PPA2: variants seen among roughly 807,000 people sequenced by gnomAD.
PPA2 encodes the protein inorganic pyrophosphatase 2, mitochondrial.
PPA2 carries 48 observed loss-of-function variants against 49.5 expected under a neutral mutation model. The ratio of observed to expected loss-of-function variants is 0.97; its 90% CI spans 0.77 to 1.23. The LOEUF is 1.23. PPA2 is among the 50% of genes most tolerant of loss of function. PPA2 has a pLI of 0.00. For synonymous variants in PPA2, 131 were observed against 139.9 expected (o/e 0.94, Z 0.45); for missense variants, 429 against 410.1 (o/e 1.05, Z -0.40).
chr4:105,389,369 G>A (rs910932752), intron 9 of PPA2, among the ~76,000 whole-genome samples: 1 of 149,436 alleles, frequency 6.7e-6, no homozygotes, highest in Non-Finnish European at 1.5e-5. Context: ...CTATTACTAC[G>A]ACCTGCCAGG....
chr4:105,444,702 T>C (rs561167187), intron 5 of PPA2, among the ~76,000 whole-genome samples: 1 of 152,306 alleles, frequency 6.6e-6, no homozygotes, highest in South Asian at 2.1e-4. Flanking sequence ...GCTTTTTTAT[T>C]TTTTTCATAA....
chr4:105,389,991 C>G (rs540656798), intron 9 of PPA2, among the ~76,000 whole-genome samples: 1 of 152,106 alleles, frequency 6.6e-6, no homozygotes, highest in South Asian at 2.1e-4. Context: ...TCAATGGAAC[C>G]CCAGAAATAA....
rs147964042 is a variant in PPA2 at position 105,457,129 on chromosome 4, A to C, written c.158-384T>G. ...ATGTCAATTTCCCTTGGGGAAACTT[A>C]ACAATAGTATTCCCAATTTCTACCT... On this transcript the variant is annotated intron_variant, in intron 1 of 11. Coordinates refer to ENST00000341695, the MANE Select transcript of PPA2 (RefSeq NM_176869.3). Among the ~76,000 whole-genome samples, 755 of 152,314 alleles carry C rather than the reference A, an allele frequency of 5.0e-3. 10 individuals carry two copies. Among genetic ancestry groups the C allele is most frequent in the African/African-American group, 0.017 (712 of 41,580 alleles).
intron 1 of PPA2, among the ~76,000 whole-genome samples, chr4:105,472,023 C>A (rs1723543649): frequency 6.6e-6 from 1 of 152,164 alleles, no homozygotes; most frequent in Admixed American, 6.5e-5. Flanking sequence ...CAATAAGAGG[C>A]CAACATACTC....
At chr4:105,449,284 A>T in intron 4 of PPA2, 66 bp downstream of exon 4, 2 of 964,034 alleles carry the variant, frequency 2.1e-6, no homozygotes, top group South Asian at 3.4e-5. Flanking sequence ...TATGCCAAAC[A>T]ACTTGCAACA....
At chr4:105,451,896 T>C (rs1722693600) in intron 3 of PPA2, among the ~76,000 whole-genome samples, 1 of 152,224 alleles carries the variant, frequency 6.6e-6, no homozygotes, top group Non-Finnish European at 1.5e-5. Flanking sequence ...AAGCCAATGT[T>C]AGCCTGGTTT....
chr4:105,442,400 C>T (rs1253138277), intron 5 of PPA2, among the ~76,000 whole-genome samples: 1 of 152,218 alleles, frequency 6.6e-6, no homozygotes, highest in Non-Finnish European at 1.5e-5. Flanking sequence ...GGTTATAAAG[C>T]TAATAAGTAG....
intron 7 of PPA2, among the ~76,000 whole-genome samples, chr4:105,416,316 C>A (rs558284388): frequency 1.2e-3 from 190 of 152,130 alleles, no homozygotes; most frequent in African/African-American, 4.4e-3. Flanking sequence ...TAGATAAAAA[C>A]CAGTGACATA....
At chr4:105,436,578 G>A (rs62317260) in intron 6 of PPA2, among the ~76,000 whole-genome samples, 3,733 of 152,164 alleles carry the variant, frequency 0.025, 70 homozygotes, top group Middle Eastern at 0.058. Flanking sequence ...ATACCACATA[G>A]CTGTAGTACT....
chr4:105,462,482 A>T (rs1178831507), intron 1 of PPA2, among the ~76,000 whole-genome samples: 1 of 151,864 alleles, frequency 6.6e-6, no homozygotes, highest in Non-Finnish European at 1.5e-5. Context: ...CCCATTTTCA[A>T]CTCTTTGTAT....
chr4:105,421,028 G>C (rs1383583033), intron 7 of PPA2, among the ~76,000 whole-genome samples: 1 of 152,184 alleles, frequency 6.6e-6, no homozygotes, highest in Non-Finnish European at 1.5e-5. Context: ...GTGTAGCTGA[G>C]AGAAGTTAGG....
chr4:105,453,575 A>G (rs753690600), intron 3 of PPA2, 23 bp downstream of exon 3: 1 of 1,553,014 alleles, frequency 6.4e-7, no homozygotes, highest in South Asian at 1.2e-5. Context: ...GTGATTCACA[A>G]AAATAAAAAC....
At chr4:105,449,522 C>G (rs1056203921) in intron 3 of PPA2, 119 bp from the exon 4 acceptor site, 1 of 581,338 alleles carries the variant, frequency 1.7e-6, no homozygotes. Flanking sequence ...TGTTGAGTCT[C>G]CATCATACAT....
intron 7 of PPA2, among the ~76,000 whole-genome samples, chr4:105,420,058 C>T (rs1007850298): frequency 1.9e-4 from 29 of 151,996 alleles, no homozygotes; most frequent in African/African-American, 6.3e-4. Context: ...CCACAACCTC[C>T]GCCTCCTGGG....
chr4:105,417,557 C>CAA lies in PPA2; in HGVS notation c.655+6638_655+6639insTT, dbSNP rs201997808. ...CACCATATCATGGGAATGACTGAAA[C>CAA]CAAAAAAAAAAAACTGTAAGAGGTC... is the stretch of plus-strand genomic sequence containing the variant. On this transcript the variant is annotated intron_variant, in intron 7 of 11. Coordinates refer to ENST00000341695, the MANE Select transcript of PPA2 (RefSeq NM_176869.3). Among the ~76,000 whole-genome samples, 354 of 79,882 alleles carry CAA rather than the reference C, an allele frequency of 4.4e-3. 1 individual carries two copies. Among genetic ancestry groups the CAA allele is most frequent in the African/African-American group, 0.013 (335 of 26,238 alleles). 52.4% of individuals were successfully genotyped at this position (79,882 alleles called of 152,430 possible).
intron 3 of PPA2, among the ~76,000 whole-genome samples, chr4:105,450,768 C>T (rs1283978061): frequency 2.6e-5 from 4 of 152,090 alleles, no homozygotes; most frequent in Non-Finnish European, 4.4e-5. Flanking sequence ...CCACCACTTC[C>T]GGCTAATTTT....
chr4:105,446,019 C>A (rs1321068682), intron 5 of PPA2, among the ~76,000 whole-genome samples: 2 of 151,928 alleles, frequency 1.3e-5, no homozygotes, highest in Non-Finnish European at 2.9e-5. Flanking sequence ...TTTGTGCTAT[C>A]ATATATGAAT....
rs1274160141 is a variant in PPA2, at chr4:105,369,742, G to C, written c.988C>G (p.His330Asp). 1 of 1,591,436 alleles carries C rather than the reference G, an allele frequency of 6.3e-7. No individual in the cohort carries two copies. Among genetic ancestry groups the C allele is most frequent in the Non-Finnish European group, 8.6e-7 (1 of 1,159,470 alleles). Residue 330 changes from histidine (H) to aspartate (D), a missense_variant, in exon 12 of 12, where the codon CAC (histidine) becomes GAC (aspartate). By Grantham distance (81) the His-to-Asp change is moderately conservative (BLOSUM62 -1). Transcript: ENST00000341695. ...TGTTTCAATCACTTGCCAAGGAAGTGCCACACTTGCTCTGCATTTAAAATG... is the reference window on the plus strand; with the variant it reads ...TGTTTCAATCACTTGCCAAGGAAGTCCCACACTTGCTCTGCATTTAAAATG... ...KESNEEEQVW[H>D]FLGK
At chr4:105,443,002 G>A (rs1724437198) in intron 5 of PPA2, among the ~76,000 whole-genome samples, 1 of 152,148 alleles carries the variant, frequency 6.6e-6, no homozygotes, top group African/African-American at 2.4e-5. Flanking sequence ...TAGTCAGAAT[G>A]TATCAGTGAA....
Sources: gnomAD v4.1 joint callset for allele counts (sites outside exome capture counted in the v4.1 genomes callset) on GRCh38, gnomAD v4.1.1 for gene constraint, MANE v1.5 for transcripts, NCBI Gene and HGNC (gene_info 2026-07-23, HGNC 2026-07-21) for gene names.